Variants in RGS12 observed in about 807,000 individuals in gnomAD.
The protein encoded by RGS12 is regulator of G-protein signaling 12.
In RGS12, 66 loss-of-function variants were observed where a neutral mutation model predicts 120.1. That is an observed-to-expected ratio of 0.55 (90% CI 0.45 to 0.67). RGS12 has a LOEUF of 0.67. Ranked by LOEUF, RGS12 falls within the 30% of genes least tolerant of loss-of-function variation. The pLI is 0.00. For synonymous variants in RGS12, 827 were observed against 804.7 expected, an observed-to-expected ratio of 1.03 and a Z score of -0.47; for missense variants, 1,859 against 1,957.7, an observed-to-expected ratio of 0.95 and a Z score of 0.95.
chr4:3,432,410 G>A (rs1256401765), intron 17 of RGS12, among the ~76,000 whole-genome samples: 1 of 152,210 alleles, frequency 6.6e-6, no homozygotes. Flanking sequence ...GCCCGGTGGC[G>A]GGTGCTGAGA....
chr4:3,367,421 C>T (rs1287902300), intron 3 of RGS12, among the ~76,000 whole-genome samples: 1 of 152,278 alleles, frequency 6.6e-6, no homozygotes, highest in African/African-American at 2.4e-5. Flanking sequence ...TGTGCCCAGA[C>T]TGGCCATGCA....
chr4:3,304,956 C>T (rs965397333), intron 1 of RGS12, among the ~76,000 whole-genome samples: 1 of 152,222 alleles, frequency 6.6e-6, no homozygotes, highest in East Asian at 1.9e-4. Context: ...AAGGCGTTGG[C>T]CAGGGCTGTG....
chr4:3,296,696 G>A (rs1723402377), intron 1 of RGS12, among the ~76,000 whole-genome samples: 1 of 152,212 alleles, frequency 6.6e-6, no homozygotes, highest in Admixed American at 6.5e-5. Flanking sequence ...TTGTGTGCGA[G>A]GAGCACCCGT....
chr4:3,313,672 C>T (rs1724556226), intron 1 of RGS12, among the ~76,000 whole-genome samples: 1 of 152,222 alleles, frequency 6.6e-6, no homozygotes, highest in Admixed American at 6.5e-5. Context: ...GCTTCCTTCA[C>T]CTTTCCGGCT....
intron 2 of RGS12, among the ~76,000 whole-genome samples, chr4:3,333,418 G>A (rs180849206): frequency 1.9e-4 from 29 of 152,364 alleles, no homozygotes; most frequent in East Asian, 1.7e-3. Context: ...GATTACAGGC[G>A]TGAGCCACTG....
Position 3,430,909 on chromosome 4 carries a change from G to C in RGS12, c.4068G>C (p.Leu1356=). Residue 1356 remains leucine, a synonymous_variant, in exon 17 of 18, where the codon CTG becomes CTC. Coordinates refer to ENST00000336727, the MANE Select transcript of RGS12 (RefSeq NM_001394154.1). ...TCAGCAGCCCCAACAGCACCTTGCT[G>C]CCGCCGCCCTCCACCCCCCAGGAAG... ...GDISSPNSTL[L]PPPSTPQEVP... is the part of the protein sequence containing the mutation. 6.2e-7 allele frequency: 1 copy of C among 1,612,830 alleles called. No individual in the cohort carries two copies. Among genetic ancestry groups the C allele is most frequent in the Non-Finnish European group, 8.5e-7 (1 of 1,179,954 alleles).
intron 2 of RGS12, 42 bp downstream of exon 2, chr4:3,318,093 C>T: frequency 2.0e-6 from 3 of 1,533,538 alleles, no homozygotes; most frequent in South Asian, 2.5e-5. Flanking sequence ...GCCCGGCCTC[C>T]TCACTTAGCA....
chr4:3,439,069 G>A (rs556898102), intron 17 of RGS12, among the ~76,000 whole-genome samples: 21 of 152,156 alleles, frequency 1.4e-4, no homozygotes, highest in Admixed American at 1.3e-3. Context: ...GGTGGCCCTT[G>A]AGGATGGGCC....
Position 3,422,397 on chromosome 4 carries a change from G to A in RGS12, c.2860G>A (p.Ala954Thr). ...CCAGTCGGAGGCCTGCAGGACTTTG[G>A]CACCCGAGAAGGACAAGGCCACCAA... ...LDLSEACRTL[A>T]PEKDKATKHC... The change falls in exon 11 of 18, where the codon GCA (alanine) becomes ACA (threonine). Residue 954 changes from alanine (A) to threonine (T), a missense_variant. By Grantham distance (58) the Ala-to-Thr change is moderately conservative. Coordinates refer to ENST00000336727, the MANE Select transcript of RGS12 (RefSeq NM_001394154.1). The A allele has an allele frequency of 6.2e-7, 1 of 1,612,246 alleles. No individual in the cohort carries two copies. Among genetic ancestry groups the A allele is most frequent in the African/African-American group, 1.3e-5 (1 of 75,052 alleles).
intron 2 of RGS12, among the ~76,000 whole-genome samples, chr4:3,320,807 G>A (rs373858132): frequency 1.3e-5 from 2 of 152,160 alleles, no homozygotes; most frequent in African/African-American, 4.8e-5. Context: ...GGACGTCGCC[G>A]TGGACAGGTC....
chr4:3,352,212 G>A (rs1422535824), intron 3 of RGS12, among the ~76,000 whole-genome samples: 2 of 152,134 alleles, frequency 1.3e-5, no homozygotes, highest in Non-Finnish European at 1.5e-5. Context: ...TTTATCATCC[G>A]AGACAGATGC....
In RGS12 at chr4:3,316,097, A is replaced by C; in HGVS notation, c.-74A>C. Reference sequence around the variant, plus strand: ...CACTGTTTGAAGAAGCAAACATGGTAGCATCAAGCATTCCTTGAAATATGG... The same window carrying C: ...CACTGTTTGAAGAAGCAAACATGGTCGCATCAAGCATTCCTTGAAATATGG... On this transcript the variant is annotated 5_prime_UTR_variant, in exon 2 of 18. Coordinates refer to ENST00000336727, the MANE Select transcript of RGS12 (RefSeq NM_001394154.1). 7.0e-7 allele frequency: 1 copy of C among 1,423,836 alleles called. No individual in the cohort carries two copies. The highest frequency in any genetic ancestry group is 9.5e-7 in the Non-Finnish European group (1 of 1,056,654). 88.2% of individuals were successfully genotyped at this position (1,423,836 alleles called of 1,614,324 possible).
chr4:3,298,060 C>T (rs557459817), intron 1 of RGS12, among the ~76,000 whole-genome samples: 13 of 152,248 alleles, frequency 8.5e-5, no homozygotes, highest in African/African-American at 2.4e-4. Flanking sequence ...TGAGGTCTGA[C>T]GCCATTCTGA....
At chr4:3,413,413 T>C (rs1267977848) in intron 4 of RGS12, 1 of 152,282 alleles carries the variant, frequency 6.6e-6, no homozygotes, top group African/African-American at 2.4e-5. Flanking sequence ...CGAGCCGACA[T>C]GCGTGGCTGA....
chr4:3,419,506 A>ATAAG (rs1289071099), intron 9 of RGS12: 1 of 151,644 alleles, frequency 6.6e-6, no homozygotes, highest in African/African-American at 2.4e-5. Flanking sequence ...AAATAAATAA[A>ATAAG]TAAATGAAAG....
chr4:3,429,236 TG>T (rs1723991209), intron 16 of RGS12, among the ~76,000 whole-genome samples: 1 of 152,240 alleles, frequency 6.6e-6, no homozygotes, highest in South Asian at 2.1e-4. Flanking sequence ...ACAGGCACAC[TG>T]GAAGACTGAG....
chr4:3,404,344 T>G (rs1464331112), intron 4 of RGS12, among the ~76,000 whole-genome samples: 1 of 152,238 alleles, frequency 6.6e-6, no homozygotes, highest in African/African-American at 2.4e-5. Context: ...CTGTAGTGAC[T>G]GCATGGTAGG....
chr4:3,425,310 C>T (rs1319786712), intron 13 of RGS12, 154 bp from the exon 14 acceptor site: 9 of 704,106 alleles, frequency 1.3e-5, no homozygotes, highest in Non-Finnish European at 2.3e-5. Flanking sequence ...TCAGCCCCAG[C>T]TTGTGTGCCT....
Position 3,389,627 on chromosome 4 carries a change from T to C in RGS12, c.2020+3190T>C, listed in dbSNP as rs1393287024. Among the ~76,000 whole-genome samples the C allele has an allele frequency of 2.0e-5, 3 of 152,174 alleles. No individual in the cohort carries two copies. Among genetic ancestry groups the C allele is most frequent in the African/African-American group, 7.2e-5 (3 of 41,454 alleles). The stretch of plus-strand genomic sequence containing the variant: ...GGCCTGCCAGAATCCCCTCACCCAC[T>C]GCAGCCTCCACAGGTGGATGTTCCC... On this transcript the variant is annotated intron_variant, in intron 4 of 17. Coordinates refer to ENST00000336727, the MANE Select transcript of RGS12 (RefSeq NM_001394154.1). This position sits in a 1 kb window ranked among gnomAD's most constrained non-coding sequence, Gnocchi z 5.2.
Sources: allele counts gnomAD v4.1 joint callset (sites outside exome capture counted in the v4.1 genomes callset), GRCh38; gene constraint gnomAD v4.1.1; non-coding constraint Gnocchi (gnomAD v3.1); transcripts MANE v1.5; gene names NCBI Gene and HGNC (gene_info 2026-07-23, HGNC 2026-07-21).